Variants in EML4 observed in about 807,000 individuals in gnomAD.
EML4 encodes the protein echinoderm microtubule-associated protein-like 4.
A neutral mutation model predicts 129.0 loss-of-function variants in EML4; 72 were observed. That is an observed-to-expected ratio of 0.56 (90% CI 0.46 to 0.68). EML4 has a LOEUF of 0.68. Ranked by LOEUF, EML4 falls within the 30% of genes least tolerant of loss-of-function variation. The pLI, the probability that EML4 is intolerant of heterozygous loss-of-function variation, is 0.00. For missense variants in EML4, 1,363 were observed against 1,190.6 expected (o/e 1.14, Z -2.13); for synonymous variants, 532 against 405.0 (o/e 1.31, Z -3.77).
At chr2:42,268,555 G>T (rs1434720592) in intron 6 of EML4, among the ~76,000 whole-genome samples, 1 of 152,076 alleles carries the variant, frequency 6.6e-6, no homozygotes, top group Admixed American at 6.6e-5. Flanking sequence ...TCCTGCCTCA[G>T]CCTTCCAAGT....
At chr2:42,202,864 C>G (rs1672313124) in intron 1 of EML4, among the ~76,000 whole-genome samples, 2 of 151,938 alleles carry the variant, frequency 1.3e-5, no homozygotes, top group South Asian at 2.1e-4. Context: ...CCCATCTCTA[C>G]AAAAAATAAA....
intron 1 of EML4, among the ~76,000 whole-genome samples, chr2:42,177,381 G>A (rs980026864): frequency 1.3e-5 from 2 of 152,064 alleles, no homozygotes; most frequent in East Asian, 3.9e-4. Context: ...AACAGTTTGG[G>A]AGGCTGAGGC....
intron 2 of EML4, among the ~76,000 whole-genome samples, chr2:42,246,788 C>T (rs752678887): frequency 6.6e-6 from 1 of 152,036 alleles, no homozygotes; most frequent in African/African-American, 2.4e-5. Flanking sequence ...CAGCATAGCA[C>T]AAAAAGTGAT....
At chr2:42,324,536 T>G (rs1669686631) in intron 19 of EML4, among the ~76,000 whole-genome samples, 1 of 152,222 alleles carries the variant, frequency 6.6e-6, no homozygotes, top group Non-Finnish European at 1.5e-5. Context: ...AAGGATCACC[T>G]GAGCCCAGTG....
chr2:42,195,930 G>A lies in EML4; in HGVS notation c.25+26294G>A, dbSNP rs568135691. Among the ~76,000 whole-genome samples, 4 of 152,208 alleles carry A rather than the reference G, an allele frequency of 2.6e-5. No individual in the cohort carries two copies. In the South Asian group the frequency reaches 8.3e-4, roughly 32 times the overall value. ...CTAGTGCTTCATTAACCAACTGTAG[G>A]AGGATCATTTACTCCTTTTTCATGG... On this transcript the variant is annotated intron_variant, in intron 1 of 22. Coordinates refer to ENST00000318522, the MANE Select transcript of EML4 (RefSeq NM_019063.5).
At chr2:42,173,017 C>T (rs981684037) in intron 1 of EML4, among the ~76,000 whole-genome samples, 2 of 152,190 alleles carry the variant, frequency 1.3e-5, no homozygotes. Context: ...TTAAAATCTT[C>T]TTCCCCCTAA....
At chr2:42,234,993 C>T (rs1224491608) in intron 1 of EML4, among the ~76,000 whole-genome samples, 2 of 151,976 alleles carry the variant, frequency 1.3e-5, no homozygotes, top group African/African-American at 4.8e-5. Flanking sequence ...CCCATCTCTA[C>T]TAAAAATACA....
intron 1 of EML4, 72 bp downstream of exon 1, chr2:42,169,708 G>T: frequency 6.5e-7 from 1 of 1,529,026 alleles, no homozygotes. Context: ...CACAGCCCAG[G>T]CCCTGCCCTC....
At chr2:42,204,583 GC>G (rs925362451) in intron 1 of EML4, among the ~76,000 whole-genome samples, 1 of 152,166 alleles carries the variant, frequency 6.6e-6, no homozygotes, top group African/African-American at 2.4e-5. Flanking sequence ...GTCTCGAATA[GC>G]TGTTGTTCCT....
At chr2:42,308,408 G>A (rs1052262468) in intron 17 of EML4, among the ~76,000 whole-genome samples, 1 of 152,110 alleles carries the variant, frequency 6.6e-6, no homozygotes, top group Non-Finnish European at 1.5e-5. Flanking sequence ...TACTCGGGAG[G>A]CTGAGGCAGG....
At chr2:42,231,735 G>A (rs1218730668) in intron 1 of EML4, among the ~76,000 whole-genome samples, 1 of 152,170 alleles carries the variant, frequency 6.6e-6, no homozygotes, top group Non-Finnish European at 1.5e-5. Context: ...GGATCACGAG[G>A]TCAGGAGATC....
intron 1 of EML4, among the ~76,000 whole-genome samples, chr2:42,240,727 C>T (rs563513217): frequency 2.0e-5 from 3 of 152,312 alleles, no homozygotes; most frequent in South Asian, 4.1e-4. Flanking sequence ...TAGCAACTTA[C>T]TGAAAGCATC....
At chr2:42,208,780 T>C (rs1374085126) in intron 1 of EML4, among the ~76,000 whole-genome samples, 1 of 138,602 alleles carries the variant, frequency 7.2e-6, no homozygotes, top group East Asian at 2.4e-4. Flanking sequence ...TGAGACAGGG[T>C]CTCGTTCTGT....
At chr2:42,240,519 C>G (rs1674956758) in intron 1 of EML4, among the ~76,000 whole-genome samples, 1 of 152,092 alleles carries the variant, frequency 6.6e-6, no homozygotes. Flanking sequence ...TATTGTTTTG[C>G]AGTTTGCTTA....
chr2:42,204,883 T>G (rs945878329), intron 1 of EML4, among the ~76,000 whole-genome samples: 2 of 152,252 alleles, frequency 1.3e-5, no homozygotes, highest in African/African-American at 4.8e-5. Context: ...TGAATCTGTG[T>G]AAATGTTCTT....
rs1665735003 is a variant in EML4, at chr2:42,261,506, A to G, written c.512+212A>G. 3.2e-5 allele frequency: 12 copies of G among 377,072 alleles called. No homozygotes were observed. In the East Asian group the frequency reaches 4.2e-4, roughly 13 times the overall value. The allele number at this position is 377,072 out of a possible 1,614,324, so 23.4% of individuals were successfully genotyped here. On this transcript the variant is annotated intron_variant, in intron 4 of 22. Transcript: ENST00000318522. ...TTCTCAGTTAAAACTGGAAAAAAAA[A>G]AAAAAAAAACTAAGTTATAAACAAT...
rs1411399174 is a variant in EML4 at position 42,169,603 on chromosome 2, C to T, written c.-9C>T. 1 of 1,598,712 alleles carries T rather than the reference C, an allele frequency of 6.3e-7. No individual in the cohort carries two copies. Among genetic ancestry groups the T allele is most frequent in the Non-Finnish European group, 8.5e-7 (1 of 1,173,852 alleles). ...CTCTAAGCCCGGAGCCCGGCGCTTT[C>T]CCCGCAAGATGGACGGTTTCGCCGG... On this transcript the variant is annotated 5_prime_UTR_variant, in exon 1 of 23. Transcript: ENST00000318522.
intron 1 of EML4, among the ~76,000 whole-genome samples, chr2:42,188,829 T>A (rs1384434936): frequency 1.3e-5 from 2 of 152,144 alleles, no homozygotes; most frequent in Non-Finnish European, 2.9e-5. Context: ...CCCAGCCTAC[T>A]TTTAAAATTA....
At chr2:42,307,513 G>C (rs762583392) in intron 17 of EML4, among the ~76,000 whole-genome samples, 2 of 152,060 alleles carry the variant, frequency 1.3e-5, no homozygotes, top group Non-Finnish European at 2.9e-5. Flanking sequence ...TTTCTCATTT[G>C]TTTTTATTTT....
Sources: gnomAD v4.1 joint callset for allele counts (sites outside exome capture counted in the v4.1 genomes callset) on GRCh38, gnomAD v4.1.1 for gene constraint, MANE v1.5 for transcripts, NCBI Gene and HGNC (gene_info 2026-07-23, HGNC 2026-07-21) for gene names.